The following EPHA3 variants were observed in gnomAD, a reference collection of about 807,000 sequenced individuals.
EPHA3 encodes the protein EPH receptor A3.
A neutral mutation model predicts 107.1 loss-of-function variants in EPHA3; 42 were observed. The observed-to-expected ratio is 0.39, with a 90% CI of 0.31 to 0.51. The LOEUF (loss-of-function observed/expected upper bound fraction) is 0.51. Ranked by LOEUF, EPHA3 falls within the 20% of genes least tolerant of loss-of-function variation. The pLI, the probability that EPHA3 is intolerant of heterozygous loss-of-function variation, is 0.78. For missense variants in EPHA3, 1,183 were observed against 1,211.2 expected, an observed-to-expected ratio of 0.98 and a Z score of 0.35; for synonymous variants, 461 against 424.8, an observed-to-expected ratio of 1.09 and a Z score of -1.05.
At chr3:89,391,261 T>C (rs545829265) in intron 5 of EPHA3, among the ~76,000 whole-genome samples, 7 of 152,236 alleles carry the variant, frequency 4.6e-5, no homozygotes, top group African/African-American at 1.7e-4. Flanking sequence ...TGGCGGTGTT[T>C]GGAAGTTTTC....
At chr3:89,275,146 C>T (rs1705775050) in intron 3 of EPHA3, among the ~76,000 whole-genome samples, 1 of 151,896 alleles carries the variant, frequency 6.6e-6, no homozygotes, top group South Asian at 2.1e-4. Context: ...AATTTTTCCG[C>T]TACATCAGGT....
intron 3 of EPHA3, among the ~76,000 whole-genome samples, chr3:89,284,472 C>T (rs1321339206): frequency 1.3e-5 from 2 of 151,836 alleles, no homozygotes; most frequent in African/African-American, 4.8e-5. Flanking sequence ...ATCTTAAGTA[C>T]TTAACTTTAT....
chr3:89,384,542 A>T (rs910754379), intron 5 of EPHA3, among the ~76,000 whole-genome samples: 31 of 152,364 alleles, frequency 2.0e-4, no homozygotes, highest in Middle Eastern at 3.4e-3. Context: ...TCTAACAAAC[A>T]GAAGTGTGAA....
intron 3 of EPHA3, among the ~76,000 whole-genome samples, chr3:89,217,849 T>C (rs992337945): frequency 2.0e-5 from 3 of 152,288 alleles, no homozygotes; most frequent in South Asian, 2.1e-4. Context: ...CCTGAATTTA[T>C]TGTGCACCAG....
chr3:89,384,902 G>GTAT (rs1708585996), intron 5 of EPHA3, among the ~76,000 whole-genome samples: 1 of 152,114 alleles, frequency 6.6e-6, no homozygotes, highest in South Asian at 2.1e-4. Flanking sequence ...AACTGCAGAT[G>GTAT]TATTATATGT....
intron 2 of EPHA3, among the ~76,000 whole-genome samples, chr3:89,137,030 AG>A (rs1442434387): frequency 6.6e-6 from 1 of 151,996 alleles, no homozygotes; most frequent in Non-Finnish European, 1.5e-5. Context: ...TTAAAATAAA[AG>A]TGACCAAAAA....
At chr3:89,192,136 AG>A (rs1705731366) in intron 2 of EPHA3, among the ~76,000 whole-genome samples, 1 of 152,160 alleles carries the variant, frequency 6.6e-6, no homozygotes, top group Non-Finnish European at 1.5e-5. Context: ...TCAATAACTT[AG>A]AAAAGTGTCT....
At chr3:89,293,084 C>G (rs1305428339) in intron 3 of EPHA3, among the ~76,000 whole-genome samples, 1 of 152,038 alleles carries the variant, frequency 6.6e-6, no homozygotes, top group Non-Finnish European at 1.5e-5. Context: ...ATTTGCATTT[C>G]CATAAAGCTA....
rs1220827069 is a variant in EPHA3, at chr3:89,219,709, T to G, written c.814+9189T>G. Reference sequence around the variant, plus strand: ...CAATGTTTTTTTTTTTTTTGTTTTTTGTTTTTTTTTTTTTTTTGAGACGGA... The same window carrying G: ...CAATGTTTTTTTTTTTTTTGTTTTTGGTTTTTTTTTTTTTTTTGAGACGGA... On this transcript the variant is annotated intron_variant, in intron 3 of 16. Transcript: ENST00000336596. Among the ~76,000 whole-genome samples, 31 of 16,266 alleles carry G rather than the reference T, an allele frequency of 1.9e-3. 4 individuals are homozygous for G. Among genetic ancestry groups the G allele is most frequent in the South Asian group, 7.7e-3 (3 of 390 alleles). The allele number at this position is 16,266 out of a possible 152,430, so 10.7% of individuals were successfully genotyped here.
At chr3:89,380,477 C>T (rs1205365637) in intron 5 of EPHA3, among the ~76,000 whole-genome samples, 2 of 152,120 alleles carry the variant, frequency 1.3e-5, no homozygotes, top group Non-Finnish European at 1.5e-5. Context: ...TGTATGACGC[C>T]TTTGATAACT....
intron 11 of EPHA3, among the ~76,000 whole-genome samples, chr3:89,427,687 C>T (rs1271638052): frequency 6.6e-6 from 1 of 151,794 alleles, no homozygotes; most frequent in Non-Finnish European, 1.5e-5. Context: ...ATTTTCTTGA[C>T]TGCTATCTAA....
chr3:89,278,179 GC>G (rs1705856398), intron 3 of EPHA3, among the ~76,000 whole-genome samples: 1 of 152,016 alleles, frequency 6.6e-6, no homozygotes. Context: ...TATATTTCCT[GC>G]TTTACTTTTC....
At chr3:89,429,250 T>C in intron 12 of EPHA3, 83 bp downstream of exon 12, 1 of 1,023,854 alleles carries the variant, frequency 9.8e-7, no homozygotes. Flanking sequence ...TGCCAAGCAA[T>C]TCAGTAATCT....
intron 3 of EPHA3, among the ~76,000 whole-genome samples, chr3:89,211,728 C>T (rs1204323253): frequency 1.0e-4 from 1 of 9,976 alleles, no homozygotes; most frequent in African/African-American, 2.4e-4. Context: ...TCTTCTTTTT[C>T]TTCTTCTTCT....
intron 11 of EPHA3, among the ~76,000 whole-genome samples, chr3:89,427,529 C>T (rs1237283508): frequency 6.6e-6 from 1 of 151,902 alleles, no homozygotes; most frequent in African/African-American, 2.4e-5. Context: ...TAATACTCAA[C>T]TCACGTCTTC....
At chr3:89,446,005 A>G (rs2107550265) in intron 13 of EPHA3, among the ~76,000 whole-genome samples, 1 of 152,344 alleles carries the variant, frequency 6.6e-6, no homozygotes, top group South Asian at 2.1e-4. Context: ...TGCAGGCTAC[A>G]ACAATTACAA....
At chr3:89,383,742 G>A (rs1320570834) in intron 5 of EPHA3, among the ~76,000 whole-genome samples, 8 of 137,544 alleles carry the variant, frequency 5.8e-5, no homozygotes, top group African/African-American at 1.4e-4. Context: ...TCCACCTCCC[G>A]GGTTCACGTC....
intron 3 of EPHA3, among the ~76,000 whole-genome samples, chr3:89,318,804 C>G (rs1319773070): frequency 6.6e-6 from 1 of 151,858 alleles, no homozygotes; most frequent in Non-Finnish European, 1.5e-5. Context: ...TATGAGTTTT[C>G]TTATACTGTC....
intron 4 of EPHA3, 86 bp downstream of exon 4, chr3:89,341,157 T>C: frequency 1.4e-6 from 2 of 1,405,340 alleles, no homozygotes; most frequent in Non-Finnish European, 1.9e-6. Context: ...TTTAAAGCAT[T>C]TGGCCCATTT....
Sources: gnomAD v4.1 joint callset for allele counts (sites outside exome capture counted in the v4.1 genomes callset) on GRCh38, gnomAD v4.1.1 for gene constraint, MANE v1.5 for transcripts, NCBI Gene and HGNC (gene_info 2026-07-23, HGNC 2026-07-21) for gene names.